Variants in ASIC1 observed in about 807,000 individuals in gnomAD.
ASIC1 encodes acid-sensing ion channel 1.
Under a neutral mutation model 63.4 loss-of-function variants are expected in ASIC1, and 21 were observed. The observed-to-expected ratio is 0.33, with a 90% CI of 0.23 to 0.48. The LOEUF is 0.48. Among genes scored for constraint, ASIC1 ranks in the 20% least tolerant of loss-of-function variants. The pLI is 0.99. For missense variants in ASIC1, 478 were observed against 695.5 expected (o/e 0.69, Z 3.52); for synonymous variants, 258 against 278.2 (o/e 0.93, Z 0.72).
chr12:50,077,868 C>A (rs1950673130), intron 4 of ASIC1, 132 bp from the exon 5 acceptor site: 1 of 1,348,668 alleles, frequency 7.4e-7, no homozygotes, highest in Non-Finnish European at 1.0e-6. Context: ...TGGGCTAGGA[C>A]CCTATAGACT....
At chr12:50,063,110 G>C (rs756335362) in intron 3 of ASIC1, among the ~76,000 whole-genome samples, 2 of 152,192 alleles carry the variant, frequency 1.3e-5, no homozygotes, top group Non-Finnish European at 2.9e-5. Flanking sequence ...CTGGTAGGGT[G>C]TGTTGTTGCC....
intron 3 of ASIC1, among the ~76,000 whole-genome samples, chr12:50,069,625 A>G (rs1474493688): frequency 1.3e-5 from 2 of 152,152 alleles, no homozygotes; most frequent in Non-Finnish European, 2.9e-5. Context: ...TAATTCAAAC[A>G]TCATTTCCTC....
In ASIC1 at chr12:50,078,654, A is replaced by C; in HGVS notation, c.994+77A>C. The C allele has an allele frequency of 6.3e-7, 1 of 1,585,884 alleles. No individual in the cohort carries two copies. The highest frequency in any genetic ancestry group is 1.7e-5 in the Admixed American group (1 of 58,958). ...CCTTCACTAGCTCCCCATCCATATC[A>C]ATCTCCCAACCCCAGTTCCAGCCCA... is the stretch of plus-strand genomic sequence containing the variant. On this transcript the variant is annotated intron_variant, in intron 6 of 11. Coordinates refer to ENST00000447966, the MANE Select transcript of ASIC1 (RefSeq NM_001095.4). The surrounding 1 kb of genome is among the most constrained non-coding windows in gnomAD (Gnocchi z 6.0).
rs1212091993 is a variant in ASIC1 at position 50,082,249 on chromosome 12, A to AATGGGGACAAG, written c.*604_*614dup. On this transcript the variant is annotated 3_prime_UTR_variant, in exon 12 of 12. Transcript: ENST00000447966. ...GTCGGGGATCCCCTTAAGAAGTGGT[A>AATGGGGACAAG]ATGGGGACAAGATGCGGCCCTGGTG... 6.5e-6 allele frequency: 1 copy of AATGGGGACAAG among 153,640 alleles called. No individual in the cohort carries two copies. Among genetic ancestry groups the AATGGGGACAAG allele is most frequent in the Non-Finnish European group, 1.5e-5 (1 of 68,902 alleles). 9.5% of individuals were successfully genotyped at this position (153,640 alleles called of 1,614,324 possible).
intron 3 of ASIC1, among the ~76,000 whole-genome samples, chr12:50,070,556 G>A (rs1260791407): frequency 2.0e-5 from 3 of 152,192 alleles, no homozygotes; most frequent in Non-Finnish European, 4.4e-5. Flanking sequence ...CACTGTCTGT[G>A]CGTGCACACC....
chr12:50,074,164 C>T lies in ASIC1; in HGVS notation c.559-3049C>T, dbSNP rs1456431198. The stretch of plus-strand genomic sequence containing the variant: ...CTTTAACCTGCACCGCTTCTACAAT[C>T]GCTCCTGCCACCGGCTGGAGGACAT... On this transcript the variant is annotated intron_variant, in intron 3 of 11. Transcript: ENST00000447966. The surrounding 1 kb of genome is among the most constrained non-coding windows in gnomAD (Gnocchi z 4.2). The T allele has an allele frequency of 4.6e-6, 7 of 1,534,766 alleles. No individual in the cohort carries two copies. The highest frequency in any genetic ancestry group is 3.6e-5 in the South Asian group (3 of 83,968).
chr12:50,059,554 G>A lies in ASIC1; in HGVS notation c.363-205G>A, dbSNP rs150929282. Among the ~76,000 whole-genome samples, 92 of 152,256 alleles carry A rather than the reference G, an allele frequency of 6.0e-4. No individual in the cohort carries two copies. In the East Asian group the frequency reaches 0.016, roughly 26 times the overall value. ...ATGCTTCCTCTCACCCATGTGCTGGGATGGGATGCCCTGCCCCTGGGCAGC... is the reference window on the plus strand; with the variant it reads ...ATGCTTCCTCTCACCCATGTGCTGGAATGGGATGCCCTGCCCCTGGGCAGC... On this transcript the variant is annotated intron_variant, in intron 2 of 11. Coordinates refer to ENST00000447966, the MANE Select transcript of ASIC1 (RefSeq NM_001095.4). The surrounding 1 kb of genome is among the most constrained non-coding windows in gnomAD (Gnocchi z 4.6).
Position 50,059,690 on chromosome 12 carries a change from A to G in ASIC1, c.363-69A>G. On this transcript the variant is annotated intron_variant, in intron 2 of 11. Transcript: ENST00000447966. This position sits in a 1 kb window ranked among gnomAD's most constrained non-coding sequence, Gnocchi z 4.6. ...ATCCCCAGGGCTGGAGGCTGCCCCC[A>G]TCACCCAAGTTGGGTGCAGGACACT... 1 of 1,511,458 alleles carries G rather than the reference A, an allele frequency of 6.6e-7. No individual in the cohort carries two copies. Among genetic ancestry groups the G allele is most frequent in the Non-Finnish European group, 9.0e-7 (1 of 1,111,728 alleles). 93.6% of individuals were successfully genotyped at this position (1,511,458 alleles called of 1,614,324 possible).
intron 3 of ASIC1, among the ~76,000 whole-genome samples, chr12:50,067,757 A>G (rs908514713): frequency 6.6e-6 from 1 of 151,906 alleles, no homozygotes; most frequent in Middle Eastern, 3.4e-3. Context: ...TTTCCTGACA[A>G]TCATACTCTC....
At chr12:50,065,826 C>G (rs1950540305) in intron 3 of ASIC1, among the ~76,000 whole-genome samples, 1 of 152,218 alleles carries the variant, frequency 6.6e-6, no homozygotes, top group East Asian at 1.9e-4. Flanking sequence ...TGCCATGTGT[C>G]TCTAGTTGGT....
At position 50,074,350 on chromosome 12, in the gene ASIC1, G is replaced by T; in HGVS notation, c.559-2863G>T. ...GGCTGGGGCTGGGGCTGGGGCTGATGACTGTGCTGCCCCCTACCTCATCTG... is the reference window on the plus strand; with the variant it reads ...GGCTGGGGCTGGGGCTGGGGCTGATTACTGTGCTGCCCCCTACCTCATCTG... On this transcript the variant is annotated intron_variant, in intron 3 of 11. Transcript: ENST00000447966. The surrounding 1 kb of genome is among the most constrained non-coding windows in gnomAD (Gnocchi z 4.2). The T allele has an allele frequency of 7.0e-7, 1 of 1,420,220 alleles. No individual in the cohort carries two copies. Among genetic ancestry groups the T allele is most frequent in the South Asian group, 1.5e-5 (1 of 64,534 alleles). The allele number at this position is 1,420,220 out of a possible 1,614,324, so 88.0% of individuals were successfully genotyped here.
chr12:50,059,890 T>A lies in ASIC1; in HGVS notation c.494T>A (p.Ile165Asn). Residue 165 changes from isoleucine to asparagine, a missense_variant, in exon 3 of 12, where the codon ATT (isoleucine) becomes AAT (asparagine). Around this residue, in one of 3 missense-constraint regions of ASIC1, gnomAD observed 290 missense variants for 414.9 expected, o/e 0.70. Transcript: ENST00000447966. This position sits in a 1 kb window ranked among gnomAD's most constrained non-coding sequence, Gnocchi z 4.6. Reference sequence around the variant, plus strand: ...TTCTACGACCGAGCTGGGCACGACATTCGAGACATGCTGCTCTCCTGCCAC... The same window carrying A: ...TTCTACGACCGAGCTGGGCACGACAATCGAGACATGCTGCTCTCCTGCCAC... ...REFYDRAGHD[I>N]RDMLLSCHFR... 6.2e-7 allele frequency: 1 copy of A among 1,614,128 alleles called. No homozygotes were observed.
At position 50,081,285 on chromosome 12, in the gene ASIC1, G is replaced by T; in HGVS notation, c.1403G>T (p.Arg468Leu). 1 of 1,610,178 alleles carries T rather than the reference G, an allele frequency of 6.2e-7. No individual in the cohort carries two copies. The highest frequency in any genetic ancestry group is 8.5e-7 in the Non-Finnish European group (1 of 1,178,312). Residue 468 changes from arginine (R) to leucine (L), a missense_variant, in exon 11 of 12, where the codon CGA (arginine) becomes CTA (leucine). Arg to Leu is a moderately radical substitution (Grantham distance 102). Coordinates refer to ENST00000447966, the MANE Select transcript of ASIC1 (RefSeq NM_001095.4). ...YEVIKHKLCR[R>L]GKCQKEAKRS... The stretch of plus-strand genomic sequence containing the variant: ...GTCATTAAGCACAAGCTGTGCCGAC[G>T]AGGAAAATGCCAGAAGGAGGCCAAA...
chr12:50,069,324 C>T (rs905930108), intron 3 of ASIC1, among the ~76,000 whole-genome samples: 5 of 151,152 alleles, frequency 3.3e-5, no homozygotes, highest in African/African-American at 4.9e-5. Context: ...GACAGAATCT[C>T]GTTCTATTGC....
chr12:50,079,473 T>G (rs1950692687), intron 7 of ASIC1, among the ~76,000 whole-genome samples: 1 of 151,976 alleles, frequency 6.6e-6, no homozygotes, highest in Non-Finnish European at 1.5e-5. Flanking sequence ...CTATGAAAAA[T>G]GAACAGAGGT....
rs770901280 is a variant in ASIC1, at chr12:50,059,998, G to A, written c.558+44G>A. Reference sequence around the variant, plus strand: ...GGTGTGAGTCAGCCTGGCCCACAGAGGAGGAGGAGGAGACAAGGAGCAGGC... The same window carrying A: ...GGTGTGAGTCAGCCTGGCCCACAGAAGAGGAGGAGGAGACAAGGAGCAGGC... On this transcript the variant is annotated intron_variant, in intron 3 of 11. Coordinates refer to ENST00000447966, the MANE Select transcript of ASIC1 (RefSeq NM_001095.4). This position sits in a 1 kb window ranked among gnomAD's most constrained non-coding sequence, Gnocchi z 4.6. 6.6e-7 allele frequency: 1 copy of A among 1,512,082 alleles called. No individual in the cohort carries two copies. Among genetic ancestry groups the A allele is most frequent in the South Asian group, 1.2e-5 (1 of 84,228 alleles). The allele number at this position is 1,512,082 out of a possible 1,614,324, so 93.7% of individuals were successfully genotyped here.
At chr12:50,063,694 G>T (rs894612614) in intron 3 of ASIC1, among the ~76,000 whole-genome samples, 1 of 152,096 alleles carries the variant, frequency 6.6e-6, no homozygotes, top group African/African-American at 2.4e-5. Flanking sequence ...GAAGGGGCCC[G>T]GGCATCCCCT....
chr12:50,079,843 G>C (rs1592279896), intron 7 of ASIC1, 59 bp from the exon 8 acceptor site: 2 of 1,540,576 alleles, frequency 1.3e-6, no homozygotes, highest in East Asian at 4.5e-5. Context: ...ATGTGCATGT[G>C]GGAAGGTGCT....
intron 3 of ASIC1, among the ~76,000 whole-genome samples, chr12:50,061,891 T>C (rs533307137): frequency 6.6e-5 from 10 of 152,304 alleles, no homozygotes; most frequent in Admixed American, 3.9e-4. Context: ...GCTCACAAAG[T>C]TCTGGAGCAG....
Sources: gnomAD v4.1 joint callset for allele counts (sites outside exome capture counted in the v4.1 genomes callset) on GRCh38, gnomAD v4.1.1 for gene constraint, gnomAD v4.1.1 regional missense constraint, Gnocchi (gnomAD v3.1) non-coding constraint, MANE v1.5 for transcripts, NCBI Gene and HGNC (gene_info 2026-07-23, HGNC 2026-07-21) for gene names.